The following CACNA1C variants were observed in gnomAD, a reference collection of about 807,000 sequenced individuals.
CACNA1C encodes the protein voltage-dependent L-type calcium channel subunit alpha-1C.
A neutral mutation model predicts 229.0 loss-of-function variants in CACNA1C; 30 were observed. That is an observed-to-expected ratio of 0.13 (90% CI 0.10 to 0.18). The LOEUF (loss-of-function observed/expected upper bound fraction) is 0.18. Ranked by LOEUF, CACNA1C falls within the 10% of genes least tolerant of loss-of-function variation. The pLI is 1.00. For missense variants in CACNA1C, 1,658 were observed against 2,845.0 expected (o/e 0.58, Z 9.49); for synonymous variants, 1,114 against 1,132.5 (o/e 0.98, Z 0.33).
chr12:2,587,984 A>G (rs2063297976), intron 18 of CACNA1C, among the ~76,000 whole-genome samples: 1 of 152,138 alleles, frequency 6.6e-6, no homozygotes, highest in African/African-American at 2.4e-5. Flanking sequence ...GCATGCTCTT[A>G]AAGCTGGTGG....
At chr12:2,507,216 C>T (rs992436642) in intron 8 of CACNA1C, among the ~76,000 whole-genome samples, 6 of 152,212 alleles carry the variant, frequency 3.9e-5, no homozygotes, top group African/African-American at 1.4e-4. Flanking sequence ...CTGCCGTCTG[C>T]TCCTTGCAGC....
chr12:2,325,297 A>G (rs562299484), intron 3 of CACNA1C, among the ~76,000 whole-genome samples: 1 of 152,172 alleles, frequency 6.6e-6, no homozygotes, highest in African/African-American at 2.4e-5. Flanking sequence ...AAAATTATCC[A>G]AGAAACTCTC....
At chr12:2,074,309 A>G (rs188662864) in intron 1 of CACNA1C, among the ~76,000 whole-genome samples, 138 of 152,298 alleles carry the variant, frequency 9.1e-4, no homozygotes, top group African/African-American at 3.2e-3. Flanking sequence ...GGAGTCTGCA[A>G]ATAATACTTT....
At chr12:2,318,922 G>T (rs1438446880) in intron 3 of CACNA1C, among the ~76,000 whole-genome samples, 2 of 151,328 alleles carry the variant, frequency 1.3e-5, no homozygotes, top group East Asian at 3.9e-4. Context: ...AGAGGGAGGA[G>T]AGCAGGGAAG....
At chr12:2,138,845 C>A (rs1481243520) in intron 3 of CACNA1C, among the ~76,000 whole-genome samples, 1 of 150,810 alleles carries the variant, frequency 6.6e-6, no homozygotes, top group Non-Finnish European at 1.5e-5. Flanking sequence ...TATAGCAACA[C>A]AAATGGACTT....
Position 2,585,649 on chromosome 12 carries a change from G to A in CACNA1C, c.2460+153G>A, listed in dbSNP as rs1162892670. Among the ~76,000 whole-genome samples, 3 of 152,172 alleles carry A rather than the reference G, an allele frequency of 2.0e-5. No individual in the cohort carries two copies. The highest frequency in any genetic ancestry group is 2.9e-5 in the Non-Finnish European group (2 of 68,026). On this transcript the variant is annotated intron_variant, in intron 17 of 46. Coordinates refer to ENST00000399655, the MANE Select transcript of CACNA1C (RefSeq NM_000719.7). The surrounding 1 kb of genome is among the most constrained non-coding windows in gnomAD (Gnocchi z 4.1). ...GGGGATGAACAGGAGAGCTGGGAGGGGGAAGATAAGGCAGATTGGCTGGAT... is the reference window on the plus strand; with the variant it reads ...GGGGATGAACAGGAGAGCTGGGAGGAGGAAGATAAGGCAGATTGGCTGGAT...
Position 2,467,804 on chromosome 12 carries a change from G to A in CACNA1C, c.757+10098G>A, listed in dbSNP as rs147848965. On this transcript the variant is annotated intron_variant, in intron 5 of 46. Transcript: ENST00000399655. The surrounding 1 kb of genome is among the most constrained non-coding windows in gnomAD (Gnocchi z 4.6). ...AACTCTCTTCCCGGCATCCTCCCAG[G>A]TGCCCCTGAAAGACGCCTGGGCCAG... Among the ~76,000 whole-genome samples, 1 of 152,288 alleles carries A rather than the reference G, an allele frequency of 6.6e-6. No homozygotes were observed. Among genetic ancestry groups the A allele is most frequent in the South Asian group, 2.1e-4 (1 of 4,828 alleles).
chr12:2,447,945 G>A (rs537752372), intron 3 of CACNA1C, among the ~76,000 whole-genome samples: 12 of 152,276 alleles, frequency 7.9e-5, no homozygotes, highest in Non-Finnish European at 1.5e-4. Context: ...ATGCAATGTG[G>A]ATGGGTGTTT....
At chr12:2,427,317 C>T (rs529769619) in intron 3 of CACNA1C, among the ~76,000 whole-genome samples, 4 of 152,280 alleles carry the variant, frequency 2.6e-5, no homozygotes, top group Admixed American at 6.5e-5. Context: ...TATTGCTTCT[C>T]CTTCCTTTCA....
In CACNA1C at chr12:2,321,069, A is replaced by G. The variant is rs530512406; in HGVS notation, c.478-127907A>G. Among the ~76,000 whole-genome samples, 3 of 152,338 alleles carry G rather than the reference A, an allele frequency of 2.0e-5. No individual in the cohort carries two copies. In the South Asian group the frequency reaches 6.2e-4, roughly 32 times the overall value. ...ATTTACAGTTGCTGCATTATGGAAA[A>G]TTAAAGGTGTGTGAGGCACAGCCTC... On this transcript the variant is annotated intron_variant, in intron 3 of 46. Coordinates refer to ENST00000399655, the MANE Select transcript of CACNA1C (RefSeq NM_000719.7).
At chr12:2,015,329 C>A (rs956103059) in intron 1 of CACNA1C, among the ~76,000 whole-genome samples, 7 of 152,176 alleles carry the variant, frequency 4.6e-5, no homozygotes, top group East Asian at 1.9e-4. Context: ...CTTATCCCAG[C>A]CCCAAGTTTT....
intron 3 of CACNA1C, among the ~76,000 whole-genome samples, chr12:2,333,834 C>T (rs1179100184): frequency 6.6e-6 from 1 of 152,222 alleles, no homozygotes; most frequent in Non-Finnish European, 1.5e-5. Context: ...GCACACAGCC[C>T]TCCTTAGGGT....
intron 3 of CACNA1C, among the ~76,000 whole-genome samples, chr12:2,129,647 T>G (rs1351013833): frequency 6.6e-6 from 1 of 152,208 alleles, no homozygotes; most frequent in African/African-American, 2.4e-5. Context: ...TGAACATATT[T>G]CATCCTTTTT....
chr12:2,427,397 ACCCTGTG>A (rs1038680794), intron 3 of CACNA1C, among the ~76,000 whole-genome samples: 1 of 152,058 alleles, frequency 6.6e-6, no homozygotes, highest in African/African-American at 2.4e-5. Context: ...AAAGTTGGCA[ACCCTGTG>A]TCCATTCCTA....
chr12:2,552,809 C>G (rs1463832886), intron 10 of CACNA1C, among the ~76,000 whole-genome samples: 3 of 152,108 alleles, frequency 2.0e-5, no homozygotes, highest in Non-Finnish European at 4.4e-5. Flanking sequence ...AGAGTGCTCA[C>G]TCAGGCAGTG....
chr12:2,501,513 C>T (rs1190039137), intron 7 of CACNA1C, among the ~76,000 whole-genome samples: 1 of 152,202 alleles, frequency 6.6e-6, no homozygotes, highest in Admixed American at 6.5e-5. Context: ...TCTGATGTGA[C>T]CACTGCTAAG....
chr12:2,184,940 T>C (rs1375017140), intron 3 of CACNA1C, among the ~76,000 whole-genome samples: 1 of 152,194 alleles, frequency 6.6e-6, no homozygotes, highest in Non-Finnish European at 1.5e-5. Flanking sequence ...AGTATTGAAC[T>C]GGGGTTAAAG....
At chr12:2,556,866 C>T in intron 10 of CACNA1C, 85 bp from the exon 11 acceptor site, 1 of 1,116,476 alleles carries the variant, frequency 9.0e-7, no homozygotes. Context: ...ACCTGGGGAA[C>T]ATCAAATTTC....
At chr12:2,675,341 C>A (rs542160162) in intron 39 of CACNA1C, among the ~76,000 whole-genome samples, 1 of 152,204 alleles carries the variant, frequency 6.6e-6, no homozygotes, top group Non-Finnish European at 1.5e-5. Context: ...CACCCACTTA[C>A]AACACATACG....
Sources: allele counts gnomAD v4.1 joint callset (sites outside exome capture counted in the v4.1 genomes callset), GRCh38; gene constraint gnomAD v4.1.1; non-coding constraint Gnocchi (gnomAD v3.1); transcripts MANE v1.5; gene names NCBI Gene and HGNC (gene_info 2026-07-23, HGNC 2026-07-21).